Variants in BANK1 observed in about 807,000 individuals in gnomAD.
BANK1 encodes B cell scaffold protein with ankyrin repeats 1, also known as B-cell scaffold protein with ankyrin repeats.
A neutral mutation model predicts 94.5 loss-of-function variants in BANK1; 95 were observed. The ratio of observed to expected loss-of-function variants is 1.00; its 90% CI spans 0.85 to 1.19. BANK1 has a LOEUF of 1.19. Ranked by LOEUF, BANK1 falls within the 50% of genes most tolerant of loss-of-function variation. BANK1 has a pLI of 0.00. For missense variants in BANK1, 987 were observed against 932.2 expected (o/e 1.06, Z -0.77); for synonymous variants, 334 against 308.4 (o/e 1.08, Z -0.87).
intron 7 of BANK1, among the ~76,000 whole-genome samples, chr4:101,930,690 A>G (rs1047955409): frequency 4.0e-5 from 6 of 151,572 alleles, no homozygotes; most frequent in Admixed American, 4.0e-4. Flanking sequence ...TTTACAAATG[A>G]GGAAACTAAA....
At chr4:101,822,237 G>C (rs547316919) in intron 1 of BANK1, among the ~76,000 whole-genome samples, 1 of 152,072 alleles carries the variant, frequency 6.6e-6, no homozygotes, top group Admixed American at 6.5e-5. Flanking sequence ...TGGCATGGTG[G>C]TGCATACCTG....
intron 6 of BANK1, among the ~76,000 whole-genome samples, chr4:101,896,151 T>G (rs2148891358): frequency 6.6e-6 from 1 of 152,042 alleles, no homozygotes; most frequent in African/African-American, 2.4e-5. Flanking sequence ...CATGAAAAAT[T>G]ATATTTCCAG....
chr4:101,986,855 G>GTATATATGTGTATATATATT, intron 7 of BANK1, among the ~76,000 whole-genome samples: 1 of 79,626 alleles, frequency 1.3e-5, no homozygotes, highest in African/African-American at 5.8e-5. Context: ...GTATATATAT[G>GTATATATGTGTATATATATT]TATATATATA....
At chr4:101,919,363 C>T (rs1474972402) in intron 7 of BANK1, among the ~76,000 whole-genome samples, 2 of 151,936 alleles carry the variant, frequency 1.3e-5, no homozygotes, top group African/African-American at 4.8e-5. Flanking sequence ...ACTTCTTGCT[C>T]TCCAGTAAAG....
intron 1 of BANK1, among the ~76,000 whole-genome samples, chr4:101,797,160 A>G (rs534869913): frequency 1.3e-5 from 2 of 152,304 alleles, no homozygotes; most frequent in South Asian, 2.1e-4. Context: ...CAAGAATTCA[A>G]TGTGTTCTTG....
chr4:101,954,903 C>T (rs1212755551), intron 7 of BANK1, among the ~76,000 whole-genome samples: 5 of 151,952 alleles, frequency 3.3e-5, no homozygotes, highest in Non-Finnish European at 1.5e-5. Flanking sequence ...AATTTTTGTT[C>T]GTTTTTCTCA....
At chr4:102,045,571 G>T (rs2148957190) in intron 11 of BANK1, among the ~76,000 whole-genome samples, 1 of 152,184 alleles carries the variant, frequency 6.6e-6, no homozygotes, top group South Asian at 2.1e-4. Flanking sequence ...ATCTCCTTAA[G>T]CTGATAAGCA....
At chr4:101,967,922 C>T (rs1392114711) in intron 7 of BANK1, among the ~76,000 whole-genome samples, 2 of 151,958 alleles carry the variant, frequency 1.3e-5, no homozygotes, top group African/African-American at 2.4e-5. Context: ...TTTCAATCAA[C>T]CAACTGCAGT....
Position 101,854,640 on chromosome 4 carries a change from A to G in BANK1, c.470-395A>G, listed in dbSNP as rs1833499. Among the ~76,000 whole-genome samples, 730 of 152,144 alleles carry G rather than the reference A, an allele frequency of 4.8e-3. 13 individuals are homozygous for G. The East Asian group carries it at 0.058, about 12-fold the overall frequency. On this transcript the variant is annotated intron_variant, in intron 2 of 16. Transcript: ENST00000322953. The stretch of plus-strand genomic sequence containing the variant: ...TTTAAATTAGAAATATGTAAGGGGC[A>G]AATAACTATTCTGATTTAAATTGTT...
At chr4:101,792,202 T>C (rs1034993905) in intron 1 of BANK1, among the ~76,000 whole-genome samples, 3 of 152,062 alleles carry the variant, frequency 2.0e-5, no homozygotes, top group Non-Finnish European at 4.4e-5. Context: ...AAGAGTAATG[T>C]GAATCAATAT....
At chr4:102,068,910 T>G (rs1728675677) in intron 13 of BANK1, among the ~76,000 whole-genome samples, 1 of 151,874 alleles carries the variant, frequency 6.6e-6, no homozygotes, top group Admixed American at 6.6e-5. Context: ...AAGGACAAAT[T>G]ACTTGAAAAA....
At chr4:101,923,335 T>G (rs1723058833) in intron 7 of BANK1, among the ~76,000 whole-genome samples, 1 of 151,780 alleles carries the variant, frequency 6.6e-6, no homozygotes, top group African/African-American at 2.4e-5. Context: ...ACATATAGTT[T>G]TGTATTGTTT....
chr4:101,854,695 G>A (rs763761786), intron 2 of BANK1, among the ~76,000 whole-genome samples: 9 of 151,630 alleles, frequency 5.9e-5, no homozygotes, highest in Non-Finnish European at 1.2e-4. Flanking sequence ...CTTAATAACC[G>A]TCATGGAAAA....
At chr4:102,007,146 T>TTATATATATATATATATATA (rs376933355) in intron 7 of BANK1, among the ~76,000 whole-genome samples, 17 of 38,034 alleles carry the variant, frequency 4.5e-4, no homozygotes, top group Non-Finnish European at 1.0e-3. Flanking sequence ...AAAATATATT[T>TTATATATATATATATATATA]TATATATATA....
intron 2 of BANK1, among the ~76,000 whole-genome samples, chr4:101,835,463 C>T (rs926543228): frequency 2.0e-5 from 3 of 152,200 alleles, no homozygotes; most frequent in African/African-American, 7.2e-5. Context: ...ACAGGAAAAA[C>T]TTCTCTTTCT....
intron 12 of BANK1, chr4:102,062,103 GTATT>G (rs1728438135): frequency 6.6e-6 from 1 of 152,136 alleles, no homozygotes; most frequent in Non-Finnish European, 1.5e-5. Context: ...GCTTGGAAAA[GTATT>G]TGTTTGTATC....
At chr4:101,846,108 A>G (rs184548066) in intron 2 of BANK1, among the ~76,000 whole-genome samples, 2 of 152,018 alleles carry the variant, frequency 1.3e-5, no homozygotes, top group East Asian at 3.9e-4. Flanking sequence ...GAGTGAGAAC[A>G]TGTGGTGTTT....
intron 5 of BANK1, among the ~76,000 whole-genome samples, chr4:101,885,976 A>G (rs146714391): frequency 1.1e-3 from 172 of 152,362 alleles, no homozygotes; most frequent in African/African-American, 3.9e-3. Context: ...ATATCTAAGC[A>G]TAGAAAATAC....
chr4:101,959,176 G>A (rs954403640), intron 7 of BANK1, among the ~76,000 whole-genome samples: 2 of 151,224 alleles, frequency 1.3e-5, no homozygotes, highest in African/African-American at 2.4e-5. Flanking sequence ...TCACTCTGTC[G>A]CCCAGGCTGC....
Sources: gnomAD v4.1 joint callset for allele counts (sites outside exome capture counted in the v4.1 genomes callset) on GRCh38, gnomAD v4.1.1 for gene constraint, MANE v1.5 for transcripts, NCBI Gene and HGNC (gene_info 2026-07-23, HGNC 2026-07-21) for gene names.